The following SLC29A3 variants were observed in gnomAD, a reference collection of about 807,000 sequenced individuals.
SLC29A3 encodes equilibrative nucleoside transporter 3.
A neutral mutation model predicts 25.4 loss-of-function variants in SLC29A3; 18 were observed. The ratio of observed to expected loss-of-function variants is 0.71; its 90% confidence interval spans 0.49 to 1.05. SLC29A3 has a LOEUF of 1.05. Among genes scored for constraint, SLC29A3 ranks in the 50% least tolerant of loss-of-function variants. The pLI, the probability that SLC29A3 is intolerant of heterozygous loss-of-function variation, is 0.00. For missense variants in SLC29A3, 586 were observed against 609.0 expected (o/e 0.96, Z 0.40); for synonymous variants, 258 against 267.1 (o/e 0.97, Z 0.33).
chr10:71,370,067 G>A (rs1243706564), intron 3 of SLC29A3, among the ~76,000 whole-genome samples: 2 of 152,164 alleles, frequency 1.3e-5, no homozygotes, highest in African/African-American at 4.8e-5. Flanking sequence ...TTCTATGGTG[G>A]CACTGATGGG....
rs745488411 is a variant in SLC29A3, at chr10:71,362,414, G to A, written c.1234G>A (p.Asp412Asn). Residue 412 changes from aspartate to asparagine, a missense_variant, in exon 6 of 6, where the codon GAT (aspartate) becomes AAT (asparagine). By Grantham distance (23) the Asp-to-Asn change is conservative (BLOSUM62 1). Coordinates refer to ENST00000373189, the MANE Select transcript of SLC29A3 (RefSeq NM_018344.6). ...CCTGAAGACTGTGGTCTTCCAGTCC[G>A]ATGTGTACCCCGCACTCCTCAGCTC... is the stretch of plus-strand genomic sequence containing the variant. ...VHLKTVVFQS[D>N]VYPALLSSLL... is the part of the protein sequence containing the mutation. The A allele has an allele frequency of 1.8e-5, 29 of 1,614,060 alleles. No individual in the cohort carries two copies. In the South Asian group the frequency reaches 2.3e-4, roughly 13 times the overall value.
At chr10:71,319,902 T>G (rs7086520) in intron 1 of SLC29A3, among the ~76,000 whole-genome samples, 1 of 151,910 alleles carries the variant, frequency 6.6e-6, no homozygotes, top group Non-Finnish European at 1.5e-5. Context: ...TGTGGGGCTG[T>G]CTGTCTGTGC....
rs139112924 is a variant in SLC29A3 at position 71,338,350 on chromosome 10, G to A, written c.301-5859G>A. On this transcript the variant is annotated intron_variant, in intron 2 of 5. Transcript: ENST00000373189. ...TCTTTTCTTTTCTTTTTAAAACTAC[G>A]AAGACCCATAGGCCTCTGGAAATGC... Among the ~76,000 whole-genome samples the A allele has an allele frequency of 2.4e-3, 367 of 152,246 alleles. 1 individual carries two copies. The highest frequency in any genetic ancestry group is 7.9e-3 in the African/African-American group (328 of 41,560).
intron 4 of SLC29A3, among the ~76,000 whole-genome samples, chr10:71,377,496 A>G (rs1644198465): frequency 1.3e-5 from 2 of 152,158 alleles, no homozygotes; most frequent in Admixed American, 1.3e-4. Flanking sequence ...GGCTTCCGGG[A>G]GCCGCGGGGC....
At chr10:71,357,648 T>C (rs995604039) in intron 5 of SLC29A3, among the ~76,000 whole-genome samples, 1 of 152,212 alleles carries the variant, frequency 6.6e-6, no homozygotes, top group African/African-American at 2.4e-5. Context: ...CTTGGACAAC[T>C]TGCTGCCTTA....
At chr10:71,339,450 C>G (rs1846338428) in intron 2 of SLC29A3, among the ~76,000 whole-genome samples, 1 of 152,160 alleles carries the variant, frequency 6.6e-6, no homozygotes, top group Admixed American at 6.5e-5. Flanking sequence ...CACAGCTATC[C>G]CTCTGTTCCT....
intron 3 of SLC29A3, among the ~76,000 whole-genome samples, chr10:71,371,891 AACG>A (rs1847214203): frequency 6.6e-6 from 1 of 152,246 alleles, no homozygotes; most frequent in East Asian, 1.9e-4. Flanking sequence ...AATGAGGAAG[AACG>A]ACAGAAATAA....
chr10:71,343,798 AC>A (rs1846480924), intron 2 of SLC29A3, among the ~76,000 whole-genome samples: 2 of 152,178 alleles, frequency 1.3e-5, no homozygotes, highest in Admixed American at 6.5e-5. Context: ...AAACTTAAAA[AC>A]AAAAACGTGG....
intron 2 of SLC29A3, among the ~76,000 whole-genome samples, chr10:71,339,449 C>T (rs1405486466): frequency 6.6e-6 from 1 of 152,190 alleles, no homozygotes; most frequent in Non-Finnish European, 1.5e-5. Context: ...GCACAGCTAT[C>T]CCTCTGTTCC....
intron 5 of SLC29A3, among the ~76,000 whole-genome samples, chr10:71,356,693 G>A (rs547595846): frequency 1.1e-4 from 16 of 152,252 alleles, no homozygotes; most frequent in East Asian, 3.9e-4. Context: ...GGGCATGGCC[G>A]CATGTGCCTC....
In SLC29A3 at chr10:71,368,972, A is replaced by T. The variant is rs1028110010; in HGVS notation, c.*95-6723A>T. Among the ~76,000 whole-genome samples the T allele has an allele frequency of 5.3e-5, 8 of 152,182 alleles. No homozygotes were observed. In the South Asian group the frequency reaches 6.2e-4, roughly 12 times the overall value. On this transcript the variant is annotated intron_variant and NMD_transcript_variant, in intron 3 of 4. Transcript: ENST00000642772. The stretch of plus-strand genomic sequence containing the variant: ...ATGTTTGTGTCCTCCCCAAATTCAC[A>T]TGTTCCAATCCTAACCCCCAACTTG...
intron 2 of SLC29A3, among the ~76,000 whole-genome samples, chr10:71,336,463 G>A (rs1268079756): frequency 6.6e-6 from 1 of 152,022 alleles, no homozygotes; most frequent in Non-Finnish European, 1.5e-5. Context: ...TTTCCCCAGG[G>A]CAGCCGGGAG....
intron 5 of SLC29A3, among the ~76,000 whole-genome samples, chr10:71,360,914 A>G (rs1847038121): frequency 6.6e-6 from 1 of 152,234 alleles, no homozygotes; most frequent in Non-Finnish European, 1.5e-5. Context: ...TTCTTTATGC[A>G]ATTTTATGTA....
At chr10:71,329,144 A>G (rs1846057369) in intron 2 of SLC29A3, among the ~76,000 whole-genome samples, 1 of 152,198 alleles carries the variant, frequency 6.6e-6, no homozygotes, top group African/African-American at 2.4e-5. Flanking sequence ...CCAGTTGCCA[A>G]ATGAAACCAA....
chr10:71,340,846 G>A (rs1345662770), intron 2 of SLC29A3, among the ~76,000 whole-genome samples: 2 of 152,186 alleles, frequency 1.3e-5, no homozygotes, highest in African/African-American at 4.8e-5. Context: ...GGTTTCTTAG[G>A]AAGGCAGTGC....
intron 4 of SLC29A3, 108 bp downstream of exon 4, chr10:71,351,896 G>T (rs1344927139): frequency 3.2e-5 from 30 of 944,012 alleles, no homozygotes; most frequent in Non-Finnish European, 4.8e-5. Flanking sequence ...AATGGCATGG[G>T]TGCTGATTGT....
chr10:71,366,828 A>G (rs2131856071), downstream of SLC29A3, among the ~76,000 whole-genome samples: 1 of 152,338 alleles, frequency 6.6e-6, no homozygotes, highest in African/African-American at 2.4e-5. Flanking sequence ...GCATGTCTCC[A>G]CTTGGTGGGC....
chr10:71,375,290 T>C (rs888219382), intron 3 of SLC29A3, among the ~76,000 whole-genome samples: 2 of 152,196 alleles, frequency 1.3e-5, no homozygotes, highest in Non-Finnish European at 2.9e-5. Flanking sequence ...GTGCTGGTAC[T>C]GTGCTGTGTG....
Position 71,354,102 on chromosome 10 carries a change from G to A in SLC29A3, c.611-1979G>A, listed in dbSNP as rs374011618. ...GTTTACCCGTTGTTGCTGCTTTGAT[G>A]TGGGAAGCACAGAAATAGCCAAGCA... On this transcript the variant is annotated intron_variant, in intron 4 of 5. Coordinates refer to ENST00000373189, the MANE Select transcript of SLC29A3 (RefSeq NM_018344.6). 1.1e-4 allele frequency among the ~76,000 whole-genome samples: 17 copies of A among 152,326 alleles called. No individual in the cohort carries two copies. The East Asian group carries it at 2.3e-3, about 21-fold the overall frequency.
Sources: gnomAD v4.1 joint callset for allele counts (sites outside exome capture counted in the v4.1 genomes callset) on GRCh38, gnomAD v4.1.1 for gene constraint, MANE v1.5 for transcripts, NCBI Gene and HGNC (gene_info 2026-07-23, HGNC 2026-07-21) for gene names.